Variants in CDK19 observed in about 807,000 individuals in gnomAD.
The protein encoded by CDK19 is cyclin dependent kinase 19, also known as cyclin-dependent kinase 19.
Under a neutral mutation model 68.3 loss-of-function variants are expected in CDK19, and 20 were observed. That is an observed-to-expected ratio of 0.29 (90% CI 0.21 to 0.43). The LOEUF is 0.43. CDK19 is among the 20% of genes least tolerant of loss of function. CDK19 has a pLI of 1.00. For synonymous variants in CDK19, 221 were observed against 222.8 expected (o/e 0.99, Z 0.07); for missense variants, 339 against 623.5 (o/e 0.54, Z 4.86).
chr6:110,657,348 T>C (rs1363704111), intron 4 of CDK19, among the ~76,000 whole-genome samples: 1 of 152,214 alleles, frequency 6.6e-6, no homozygotes, highest in Non-Finnish European at 1.5e-5. Context: ...AACTATCATA[T>C]GTAATCTCTT....
At chr6:110,649,231 C>T (rs1397420819) in intron 4 of CDK19, among the ~76,000 whole-genome samples, 1 of 151,664 alleles carries the variant, frequency 6.6e-6, no homozygotes. Flanking sequence ...AATCATGATA[C>T]CAAGAGAAAG....
chr6:110,637,127 G>A (rs553559542), intron 5 of CDK19, among the ~76,000 whole-genome samples: 1 of 152,324 alleles, frequency 6.6e-6, no homozygotes, highest in East Asian at 1.9e-4. Flanking sequence ...TATTTTCAGA[G>A]GGTGGTTGTG....
chr6:110,744,634 A>T (rs148832333), intron 2 of CDK19, among the ~76,000 whole-genome samples: 1 of 152,220 alleles, frequency 6.6e-6, no homozygotes, highest in Non-Finnish European at 1.5e-5. Flanking sequence ...AGAAACATTT[A>T]TAGCACACTT....
intron 4 of CDK19, among the ~76,000 whole-genome samples, chr6:110,666,596 A>C (rs1360736636): frequency 2.0e-5 from 3 of 152,108 alleles, no homozygotes; most frequent in Non-Finnish European, 4.4e-5. Flanking sequence ...ACGGATACTA[A>C]CTAGATCCTT....
At chr6:110,730,999 C>G (rs1157409439) in intron 2 of CDK19, among the ~76,000 whole-genome samples, 1 of 151,242 alleles carries the variant, frequency 6.6e-6, no homozygotes, top group Non-Finnish European at 1.5e-5. Context: ...TTGCAGTGAG[C>G]TGAGATAGCA....
intron 2 of CDK19, among the ~76,000 whole-genome samples, chr6:110,729,216 T>C (rs1028595444): frequency 6.6e-6 from 1 of 152,184 alleles, no homozygotes; most frequent in Admixed American, 6.6e-5. Flanking sequence ...ACTAAACCCA[T>C]GCTTTTTACC....
chr6:110,811,922 G>C (rs1292313413), intron 1 of CDK19, among the ~76,000 whole-genome samples: 1 of 150,956 alleles, frequency 6.6e-6, no homozygotes, highest in Non-Finnish European at 1.5e-5. Context: ...TGGAGGTCCA[G>C]CATGATGGCT....
chr6:110,734,520 G>GCGCTCTCTCTCTCTCTCTCT (rs1554214772), intron 2 of CDK19, among the ~76,000 whole-genome samples: 1 of 85,734 alleles, frequency 1.2e-5, no homozygotes. Context: ...GGTGAGCACT[G>GCGCTCTCTCTCTCTCTCTCT]CTCTCTCTCT....
At chr6:110,640,309 T>A (rs1780063587) in intron 4 of CDK19, among the ~76,000 whole-genome samples, 1 of 150,944 alleles carries the variant, frequency 6.6e-6, no homozygotes, top group Non-Finnish European at 1.5e-5. Context: ...CTCTGGATAG[T>A]CTTAAATGCC....
chr6:110,642,982 T>C (rs773576856), intron 4 of CDK19, among the ~76,000 whole-genome samples: 2 of 152,180 alleles, frequency 1.3e-5, no homozygotes, highest in Non-Finnish European at 2.9e-5. Flanking sequence ...AAGGTATCCT[T>C]ATGGCTGGAG....
At chr6:110,801,996 C>G (rs1254139695) in intron 1 of CDK19, among the ~76,000 whole-genome samples, 2 of 152,054 alleles carry the variant, frequency 1.3e-5, no homozygotes, top group Non-Finnish European at 2.9e-5. Context: ...CCATCTTACA[C>G]CAGTCAGAAT....
intron 2 of CDK19, among the ~76,000 whole-genome samples, chr6:110,674,151 T>C (rs932316835): frequency 6.6e-6 from 1 of 152,234 alleles, no homozygotes; most frequent in Non-Finnish European, 1.5e-5. Context: ...TTTTGAAGCA[T>C]CACAAATTGC....
chr6:110,657,991 G>C (rs551025675), intron 4 of CDK19, among the ~76,000 whole-genome samples: 1 of 152,196 alleles, frequency 6.6e-6, no homozygotes, highest in South Asian at 2.1e-4. Flanking sequence ...CTCAGATGAT[G>C]AAAAAAACTG....
rs1778888408 is a variant in CDK19, at chr6:110,623,821, TAC to T, written c.861-461_861-460del. ...ACACACATATACACATATATACACA[TAC>T]ATATACACATATATATACACATATA... On this transcript the variant is annotated intron_variant, in intron 8 of 12. Transcript: ENST00000368911. Among the ~76,000 whole-genome samples, 22 of 146,964 alleles carry T rather than the reference TAC, an allele frequency of 1.5e-4. No individual in the cohort carries two copies. The Admixed American group carries it at 1.5e-3, about 10-fold the overall frequency.
chr6:110,812,641 T>TAC (rs993870727), intron 1 of CDK19, among the ~76,000 whole-genome samples: 3 of 152,176 alleles, frequency 2.0e-5, no homozygotes, highest in African/African-American at 7.2e-5. Flanking sequence ...ACATTATATA[T>TAC]ACCAGAATCA....
chr6:110,673,503 A>AT (rs1159673826), intron 2 of CDK19, among the ~76,000 whole-genome samples: 2 of 151,992 alleles, frequency 1.3e-5, no homozygotes, highest in South Asian at 2.1e-4. Context: ...TCTATGTTTA[A>AT]TTTTTTGAGG....
chr6:110,797,381 C>A (rs182569747), intron 1 of CDK19, among the ~76,000 whole-genome samples: 1 of 152,018 alleles, frequency 6.6e-6, no homozygotes, highest in East Asian at 1.9e-4. Context: ...ATTCAAAAAA[C>A]ATTTGTCAGT....
intron 1 of CDK19, among the ~76,000 whole-genome samples, chr6:110,750,071 A>C (rs1189379922): frequency 1.4e-5 from 2 of 145,748 alleles, no homozygotes; most frequent in Non-Finnish European, 3.0e-5. Flanking sequence ...CGCCCAGCCA[A>C]ATGATCACAC....
At chr6:110,647,453 G>A (rs1194890112) in intron 4 of CDK19, among the ~76,000 whole-genome samples, 2 of 152,138 alleles carry the variant, frequency 1.3e-5, no homozygotes, top group Non-Finnish European at 2.9e-5. Flanking sequence ...AAGCCTTTGG[G>A]ACGACTGGAG....
Sources: allele counts gnomAD v4.1 joint callset (sites outside exome capture counted in the v4.1 genomes callset), GRCh38; gene constraint gnomAD v4.1.1; transcripts MANE v1.5; gene names NCBI Gene and HGNC (gene_info 2026-07-23, HGNC 2026-07-21).